The following SLK variants were observed in gnomAD, a reference collection of about 807,000 sequenced individuals.
The protein encoded by SLK is STE20-like serine/threonine-protein kinase.
A neutral mutation model predicts 147.7 loss-of-function variants in SLK; 67 were observed. The ratio of observed to expected loss-of-function variants is 0.45; its 90% CI spans 0.37 to 0.56. SLK has a LOEUF of 0.56. Ranked by LOEUF, SLK falls within the 20% of genes least tolerant of loss-of-function variation. The probability of loss-of-function intolerance (pLI) is 0.00; values close to 1 mark genes in which losing one functional copy is unlikely to be tolerated. For missense variants in SLK, 1,136 were observed against 1,438.8 expected, an observed-to-expected ratio of 0.79 and a Z score of 3.41; for synonymous variants, 441 against 475.0, an observed-to-expected ratio of 0.93 and a Z score of 0.93.
intron 4 of SLK, 75 bp downstream of exon 4, chr10:103,993,208 G>A: frequency 1.8e-6 from 2 of 1,116,982 alleles, no homozygotes; most frequent in East Asian, 2.5e-5. Context: ...GACTTAATGT[G>A]GTTTTATTAC....
At chr10:104,008,525 C>A (rs1844359176) in intron 12 of SLK, among the ~76,000 whole-genome samples, 169 bp downstream of exon 12, 1 of 152,138 alleles carries the variant, frequency 6.6e-6, no homozygotes, top group African/African-American at 2.4e-5. Context: ...TAAGGTCAAT[C>A]ATTATTCCCA....
At chr10:103,973,249 A>G (rs925042476) in intron 1 of SLK, among the ~76,000 whole-genome samples, 2 of 152,230 alleles carry the variant, frequency 1.3e-5, no homozygotes. Context: ...TTTTCCCCAT[A>G]TGGATACACA....
chr10:103,992,403 G>T (rs1178304126), intron 2 of SLK, among the ~76,000 whole-genome samples, 195 bp from the exon 3 acceptor site: 1 of 151,932 alleles, frequency 6.6e-6, no homozygotes, highest in African/African-American at 2.4e-5. Context: ...TGCTTTCACA[G>T]TGGGCTTTAT....
intron 1 of SLK, among the ~76,000 whole-genome samples, chr10:103,982,886 G>T (rs1360955095): frequency 1.3e-5 from 2 of 152,194 alleles, no homozygotes; most frequent in East Asian, 3.8e-4. Context: ...GTGGGGGCCA[G>T]TTGGATAGGG....
chr10:103,980,107 C>T lies in SLK; in HGVS notation c.151-10568C>T, dbSNP rs577352698. ...TCCCAGCACCATGTACTTTAAAGACCGTCCTTTTCTTACTGCTTTGCAATG... is the reference window on the plus strand; with the variant it reads ...TCCCAGCACCATGTACTTTAAAGACTGTCCTTTTCTTACTGCTTTGCAATG... On this transcript the variant is annotated intron_variant, in intron 1 of 18. Transcript: ENST00000369755. Among the ~76,000 whole-genome samples, 10 of 152,150 alleles carry T rather than the reference C, an allele frequency of 6.6e-5. No homozygotes were observed. In the South Asian group the frequency reaches 1.0e-3, roughly 16 times the overall value.
chr10:103,981,066 T>A (rs561833846), intron 1 of SLK, among the ~76,000 whole-genome samples: 1 of 152,174 alleles, frequency 6.6e-6, no homozygotes, highest in African/African-American at 2.4e-5. Context: ...GACTTATATA[T>A]CTCTAATATT....
In SLK at chr10:103,967,664, G is replaced by T. The variant is rs1190501667; in HGVS notation, c.-82G>T. The T allele has an allele frequency of 1.0e-5, 13 of 1,280,434 alleles. No homozygotes were observed. The highest frequency in any genetic ancestry group is 1.3e-5 in the Non-Finnish European group (13 of 966,286). The allele number at this position is 1,280,434 out of a possible 1,614,324, so 79.3% of individuals were successfully genotyped here. Reference sequence around the variant, plus strand: ...GCGCCCGCCGCCGCCAGCCGGGCTCGCGCGGGAGAGCAGGGAAGAGAAACT... The same window carrying T: ...GCGCCCGCCGCCGCCAGCCGGGCTCTCGCGGGAGAGCAGGGAAGAGAAACT... On this transcript the variant is annotated 5_prime_UTR_variant, in exon 1 of 19. Transcript: ENST00000369755.
At chr10:103,971,607 A>G (rs903278482) in intron 1 of SLK, among the ~76,000 whole-genome samples, 9 of 152,254 alleles carry the variant, frequency 5.9e-5, no homozygotes, top group African/African-American at 2.2e-4. Context: ...ACAGAAAAAA[A>G]AGAATGACAT....
chr10:103,986,966 A>G (rs1030540763), intron 1 of SLK, among the ~76,000 whole-genome samples: 9 of 152,232 alleles, frequency 5.9e-5, no homozygotes, highest in Non-Finnish European at 1.0e-4. Context: ...ATGAGCCACC[A>G]CGCCTGGCCT....
At chr10:103,998,352 C>T (rs1195458699) in intron 4 of SLK, among the ~76,000 whole-genome samples, 1 of 152,106 alleles carries the variant, frequency 6.6e-6, no homozygotes, top group South Asian at 2.1e-4. Context: ...GTTGTGTGAA[C>T]TCCAGGCTGA....
chr10:104,005,961 G>A lies in SLK; in HGVS notation c.2530G>A (p.Ala844Thr). The change falls in exon 11 of 19, where the codon GCC becomes ACC. Residue 844 changes from alanine (A) to threonine (T), a missense_variant. Physicochemically the swap from Ala to Thr is moderately conservative, Grantham distance 58 (BLOSUM62 0). Around this residue, in one of 6 missense-constraint regions of SLK, gnomAD observed 21 missense variants for 69.9 expected, o/e 0.30. Transcript: ENST00000369755. ...LRFLQKEEQRAQQQLNSKLQQ... is the reference protein window; with the variant it reads ...LRFLQKEEQRTQQQLNSKLQQ... Reference sequence around the variant, plus strand: ...ATTTCTTCAGAAAGAAGAGCAAAGAGCCCAACAACAGCTCAATAGCAAACT... The same window carrying A: ...ATTTCTTCAGAAAGAAGAGCAAAGAACCCAACAACAGCTCAATAGCAAACT... 1 of 1,612,444 alleles carries A rather than the reference G, an allele frequency of 6.2e-7. No individual in the cohort carries two copies. Among genetic ancestry groups the A allele is most frequent in the African/African-American group, 1.3e-5 (1 of 74,902 alleles).
chr10:103,969,898 A>G (rs995537882), intron 1 of SLK, among the ~76,000 whole-genome samples: 3 of 152,278 alleles, frequency 2.0e-5, no homozygotes, highest in Admixed American at 6.5e-5. Flanking sequence ...ATAAATGCTC[A>G]AGGCACCTAG....
intron 4 of SLK, among the ~76,000 whole-genome samples, chr10:103,995,623 A>C (rs561106909): frequency 1.3e-5 from 2 of 151,392 alleles, no homozygotes; most frequent in South Asian, 2.1e-4. Flanking sequence ...ATGGGGTTTC[A>C]CCATGTTGAC....
chr10:103,991,505 G>T (rs562009666), intron 2 of SLK, among the ~76,000 whole-genome samples: 1 of 152,034 alleles, frequency 6.6e-6, no homozygotes, highest in Non-Finnish European at 1.5e-5. Context: ...TTATGAGAGA[G>T]AAGAGTAAGT....
In SLK at chr10:104,002,295, G is replaced by A. The variant is rs199730741; in HGVS notation, c.1117G>A (p.Glu373Lys). 6.2e-6 allele frequency: 10 copies of A among 1,613,812 alleles called. No homozygotes were observed. The highest frequency in any genetic ancestry group is 1.1e-5 in the South Asian group (1 of 91,068). The change falls in exon 9 of 19, where the codon GAA (glutamate) becomes AAA (lysine). Residue 373 changes from glutamate (E) to lysine (K), a missense_variant. Physicochemically the swap from Glu to Lys is moderately conservative, Grantham distance 56. Coordinates refer to ENST00000369755, the MANE Select transcript of SLK (RefSeq NM_014720.4). ...AGAAAAAACAGAACGTAGTAACTCTGAAGATAAACTCAACAGCAAAATTCT... is the reference window on the plus strand; with the variant it reads ...AGAAAAAACAGAACGTAGTAACTCTAAAGATAAACTCAACAGCAAAATTCT... ...VSEKTERSNS[E>K]DKLNSKILNE...
chr10:104,000,124 C>T (rs142761275), intron 7 of SLK, among the ~76,000 whole-genome samples, 176 bp downstream of exon 7: 1 of 152,274 alleles, frequency 6.6e-6, no homozygotes, highest in African/African-American at 2.4e-5. Flanking sequence ...TTAGCTTAAA[C>T]GTTATTCCTC....
In SLK at chr10:103,998,931, A is replaced by T. The variant is rs777253548; in HGVS notation, c.547A>T (p.Thr183Ser). 1.1e-5 allele frequency: 17 copies of T among 1,612,154 alleles called. No homozygotes were observed. The Admixed American group carries it at 2.8e-4, about 27-fold the overall frequency. Reference sequence around the variant, plus strand: ...TGGAGTATCAGCTAAAAACACGAGGACAATTCAAAGAAGAGATTCCTTTAT... The same window carrying T: ...TGGAGTATCAGCTAAAAACACGAGGTCAATTCAAAGAAGAGATTCCTTTAT... ...DFGVSAKNTR[T>S]IQRRDSFIGT... Residue 183 changes from threonine (T) to serine (S), a missense_variant, in exon 5 of 19, where the codon ACA becomes TCA. Thr to Ser is a moderately conservative substitution (Grantham distance 58). Coordinates refer to ENST00000369755, the MANE Select transcript of SLK (RefSeq NM_014720.4).
rs962503769 is a variant in SLK at position 104,002,158 on chromosome 10, T to G, written c.994-14T>G. 14 of 1,547,818 alleles carry G rather than the reference T, an allele frequency of 9.0e-6. No individual in the cohort carries two copies. Among genetic ancestry groups the G allele is most frequent in the Non-Finnish European group, 1.2e-5 (14 of 1,148,500 alleles). ...TCATGTTTTAACACTAAAAATACAT[T>G]AAATCTTTTTTAGCCAATACCTGCA... On this transcript the variant is annotated splice_polypyrimidine_tract_variant and intron_variant, in intron 8 of 18. Coordinates refer to ENST00000369755, the MANE Select transcript of SLK (RefSeq NM_014720.4).
intron 10 of SLK, 62 bp downstream of exon 10, chr10:104,005,753 CAG>C (rs1844316161): frequency 6.5e-7 from 1 of 1,537,332 alleles, no homozygotes; most frequent in African/African-American, 1.4e-5. Context: ...TCTGAAAAGT[CAG>C]AAGAATAGAG....
Sources: allele counts gnomAD v4.1 joint callset (sites outside exome capture counted in the v4.1 genomes callset), GRCh38; gene constraint gnomAD v4.1.1; regional missense constraint gnomAD v4.1.1; transcripts MANE v1.5; gene names NCBI Gene and HGNC (gene_info 2026-07-23, HGNC 2026-07-21).